USP40: variants seen among roughly 807,000 people sequenced by gnomAD.
The protein encoded by USP40 is ubiquitin carboxyl-terminal hydrolase 40.
USP40 carries 143 observed loss-of-function variants against 166.2 expected under a neutral mutation model. The observed-to-expected ratio is 0.86, with a 90% CI of 0.75 to 0.99. USP40 has a LOEUF of 0.99. Ranked by LOEUF, USP40 falls within the 50% of genes least tolerant of loss-of-function variation. The pLI, the probability that USP40 is intolerant of heterozygous loss-of-function variation, is 0.00. For missense variants in USP40, 1,444 were observed against 1,479.7 expected, an observed-to-expected ratio of 0.98 and a Z score of 0.40; for synonymous variants, 498 against 524.0, an observed-to-expected ratio of 0.95 and a Z score of 0.68.
At chr2:233,549,767 T>C (rs1408484619) in intron 7 of USP40, among the ~76,000 whole-genome samples, 1 of 152,048 alleles carries the variant, frequency 6.6e-6, no homozygotes, top group Non-Finnish European at 1.5e-5. Flanking sequence ...CTGTATAGAA[T>C]AGGAACTTAC....
At chr2:233,516,687 C>CAA (rs763405308) in intron 18 of USP40, among the ~76,000 whole-genome samples, 1 of 109,096 alleles carries the variant, frequency 9.2e-6, no homozygotes, top group Non-Finnish European at 2.0e-5. Context: ...GACTCCATCT[C>CAA]AAAAAAAAAA....
At chr2:233,504,849 C>A (rs572461079) in intron 21 of USP40, among the ~76,000 whole-genome samples, 1 of 151,930 alleles carries the variant, frequency 6.6e-6, no homozygotes, top group Admixed American at 6.6e-5. Flanking sequence ...TCACCATAGA[C>A]CAAACGGAGC....
chr2:233,556,032 C>T lies in USP40; in HGVS notation c.546+823G>A, dbSNP rs576174652. 4.0e-5 allele frequency among the ~76,000 whole-genome samples: 6 copies of T among 150,688 alleles called. 1 individual carries two copies. Among genetic ancestry groups the T allele is most frequent in the Non-Finnish European group, 5.9e-5 (4 of 67,768 alleles). On this transcript the variant is annotated intron_variant, in intron 5 of 31. Coordinates refer to ENST00000678225, the MANE Select transcript of USP40 (RefSeq NM_001365479.2). ...TCGGGAGGCTAAGGCAGGAGAATGG[C>T]GTGAACCCGGGAGGTGGAACTTGCA...
At chr2:233,529,280 C>T in intron 12 of USP40, 151 bp downstream of exon 12, 2 of 582,968 alleles carry the variant, frequency 3.4e-6, no homozygotes, top group Non-Finnish European at 5.8e-6. Flanking sequence ...AAGTTACCCT[C>T]ACTATAAAAA....
intron 14 of USP40, among the ~76,000 whole-genome samples, chr2:233,524,927 G>A (rs1226216680): frequency 1.3e-5 from 2 of 152,274 alleles, no homozygotes; most frequent in Non-Finnish European, 2.9e-5. Flanking sequence ...TCTCATTTAT[G>A]AAATGGAGAT....
chr2:233,485,981 T>C lies in USP40; in HGVS notation c.3198-4A>G, dbSNP rs2064923308. ...CCTCAGCAGCACGTCCTGGGGGCTG[T>C]ACCAGAAAACCGTCAAGCGCCAGAT... On this transcript the variant is annotated splice_polypyrimidine_tract_variant and splice_region_variant and intron_variant, in intron 28 of 31. Transcript: ENST00000678225. The C allele has an allele frequency of 6.4e-7, 1 of 1,565,726 alleles. No homozygotes were observed. Among genetic ancestry groups the C allele is most frequent in the Non-Finnish European group, 8.6e-7 (1 of 1,159,016 alleles).
rs1055809469 is a variant in USP40 at position 233,493,261 on chromosome 2, GTTA to G, written c.2917+161_2917+163del. ...AGAGCACGTACAGAAATGGCACAGT[GTTA>G]TTATTATGTGATGTCTGGAATGACT... On this transcript the variant is annotated intron_variant, in intron 25 of 31. Coordinates refer to ENST00000678225, the MANE Select transcript of USP40 (RefSeq NM_001365479.2). This position sits in a 1 kb window ranked among gnomAD's most constrained non-coding sequence, Gnocchi z 4.7. 6.4e-6 allele frequency: 6 copies of G among 944,708 alleles called. No homozygotes were observed. Among genetic ancestry groups the G allele is most frequent in the South Asian group, 3.2e-5 (2 of 62,174 alleles). The allele number at this position is 944,708 out of a possible 1,614,324, so 58.5% of individuals were successfully genotyped here. A position where few individuals can be genotyped will look rare whatever the true frequency, so the allele number is the denominator to read the frequency against.
At chr2:233,483,149 ATGT>A (rs1165526146) in intron 30 of USP40, among the ~76,000 whole-genome samples, 1 of 152,118 alleles carries the variant, frequency 6.6e-6, no homozygotes, top group African/African-American at 2.4e-5. Flanking sequence ...CTCACTTCTA[ATGT>A]AATGAAATTT....
intron 2 of USP40, among the ~76,000 whole-genome samples, chr2:233,563,476 C>T (rs927569659): frequency 3.9e-5 from 6 of 152,046 alleles, no homozygotes; most frequent in Non-Finnish European, 8.8e-5. Context: ...AATGTGTCTC[C>T]CTATTGAAAA....
chr2:233,478,651 G>A (rs1362505673), intron 31 of USP40, among the ~76,000 whole-genome samples: 1 of 152,206 alleles, frequency 6.6e-6, no homozygotes, highest in Admixed American at 6.5e-5. Flanking sequence ...TATTCACTGT[G>A]ATGGTGACAG....
chr2:233,529,992 G>T (rs1345035863), intron 11 of USP40, among the ~76,000 whole-genome samples: 1 of 151,264 alleles, frequency 6.6e-6, no homozygotes, highest in Non-Finnish European at 1.5e-5. Flanking sequence ...CAGAGACAGG[G>T]TTTCGCCATG....
chr2:233,551,427 A>G lies in USP40; in HGVS notation c.786T>C (p.Thr262=). 1 of 1,613,036 alleles carries G rather than the reference A, an allele frequency of 6.2e-7. No homozygotes were observed. The highest frequency in any genetic ancestry group is 8.5e-7 in the Non-Finnish European group (1 of 1,179,490). ...TCCGGAGAGGGAATGTATAACAGCT[A>G]GTTTCCTTGTAGCGTTCGCATTTCA... ...DFVKCERYKE[T]SCYTFPLRIN... is the part of the protein sequence containing the mutation. The change falls in exon 7 of 32, where the codon ACT becomes ACC. Residue 262 remains threonine, a synonymous_variant. Coordinates refer to ENST00000678225, the MANE Select transcript of USP40 (RefSeq NM_001365479.2).
intron 28 of USP40, chr2:233,487,743 G>T: frequency 4.4e-6 from 1 of 225,018 alleles, no homozygotes. Flanking sequence ...TATGACATGG[G>T]CACAATTACT....
chr2:233,559,874 G>A lies in USP40; in HGVS notation c.318C>T (p.Leu106=). ...QLQRLFAQLL[L]LDQEAASTAD... is the part of the protein sequence containing the mutation. ...CTGTGGATGCAGCTTCCTGGTCTAA[G>A]AGCAGAAGCTGAGCAAACAAGCGCT... Residue 106 remains leucine, a synonymous_variant, in exon 4 of 32, where the codon CTC becomes CTT. Coordinates refer to ENST00000678225, the MANE Select transcript of USP40 (RefSeq NM_001365479.2). The A allele has an allele frequency of 6.2e-7, 1 of 1,610,534 alleles. No individual in the cohort carries two copies. Among genetic ancestry groups the A allele is most frequent in the Non-Finnish European group, 8.5e-7 (1 of 1,178,474 alleles).
rs375376271 is a variant in USP40, at chr2:233,511,794, G to C, written c.2441C>G (p.Pro814Arg). Residue 814 changes from proline to arginine, a missense_variant, in exon 20 of 32, where the codon CCG (proline) becomes CGG (arginine). By Grantham distance (103) the Pro-to-Arg change is moderately radical. Transcript: ENST00000678225. ...DRNGKLLCPV[P>R]DSYTLKEAEL... ...TGCTTCCTTCAAAGTATAGCTGTCC[G>C]GCACTTAAAAAAATTTTGATAATAT... 3 of 1,602,428 alleles carry C rather than the reference G, an allele frequency of 1.9e-6. No individual in the cohort carries two copies. Among genetic ancestry groups the C allele is most frequent in the African/African-American group, 1.3e-5 (1 of 74,490 alleles).
At position 233,527,579 on chromosome 2, in the gene USP40, C is replaced by T. The variant is rs1293370949; in HGVS notation, c.1554-1G>A. On this transcript the variant is annotated splice_acceptor_variant, in intron 12 of 31. Transcript: ENST00000678225. LOFTEE classifies it high-confidence loss of function. ...ATTGTTTGCAGAATCACATTCTGCC[C>T]TTTAAAGAGGCACAAAAATACATAA... 1.9e-6 allele frequency: 3 copies of T among 1,595,804 alleles called. No homozygotes were observed. Among genetic ancestry groups the T allele is most frequent in the Non-Finnish European group, 2.6e-6 (3 of 1,173,164 alleles).
rs188717971 is a variant in USP40, at chr2:233,504,683, C to T, written c.2614-4768G>A. 2.5e-3 allele frequency among the ~76,000 whole-genome samples: 377 copies of T among 151,914 alleles called. 2 individuals are homozygous for T. The highest frequency in any genetic ancestry group is 8.1e-3 in the African/African-American group (337 of 41,462). ...TAACAATTGTAAATATATATGCAAA[C>T]ACCACCAGAACACCCAAATATATAA... On this transcript the variant is annotated intron_variant, in intron 21 of 31. Coordinates refer to ENST00000678225, the MANE Select transcript of USP40 (RefSeq NM_001365479.2).
chr2:233,496,349 G>C (rs1189783415), intron 24 of USP40, among the ~76,000 whole-genome samples: 1 of 152,108 alleles, frequency 6.6e-6, no homozygotes, highest in African/African-American at 2.4e-5. Flanking sequence ...TCACACCTTT[G>C]GACTTAGGAA....
intron 22 of USP40, among the ~76,000 whole-genome samples, 155 bp downstream of exon 22, chr2:233,499,724 C>T (rs1001241301): frequency 6.6e-6 from 1 of 152,042 alleles, no homozygotes; most frequent in African/African-American, 2.4e-5. Flanking sequence ...CCAACAAGAA[C>T]CAGGAGAATT....
Sources: allele counts gnomAD v4.1 joint callset (sites outside exome capture counted in the v4.1 genomes callset), GRCh38; gene constraint gnomAD v4.1.1; non-coding constraint Gnocchi (gnomAD v3.1); transcripts MANE v1.5; gene names NCBI Gene and HGNC (gene_info 2026-07-23, HGNC 2026-07-21).